Variants in ZNF536 observed in about 807,000 individuals in gnomAD.
The protein encoded by ZNF536 is zinc finger protein 536.
A neutral mutation model predicts 84.5 loss-of-function variants in ZNF536; 13 were observed. The ratio of observed to expected loss-of-function variants is 0.15; its 90% confidence interval spans 0.10 to 0.24. The LOEUF is 0.24. Ranked by LOEUF, ZNF536 falls within the 10% of genes least tolerant of loss-of-function variation. The probability of loss-of-function intolerance (pLI) is 1.00; values close to 1 mark genes in which losing one functional copy is unlikely to be tolerated. For missense variants in ZNF536, 1,536 were observed against 1,747.5 expected, an observed-to-expected ratio of 0.88 and a Z score of 2.16; for synonymous variants, 811 against 742.5, an observed-to-expected ratio of 1.09 and a Z score of -1.50.
At chr19:30,702,471 C>T (rs1028155626) in intron 1 of ZNF536, among the ~76,000 whole-genome samples, 1 of 152,126 alleles carries the variant, frequency 6.6e-6, no homozygotes. Context: ...TTGGGGGGGC[C>T]CCCATCTGGC....
At chr19:30,273,154 G>A (rs997403348) in intron 1 of ZNF536, among the ~76,000 whole-genome samples, 16 of 152,016 alleles carry the variant, frequency 1.1e-4, no homozygotes, top group Admixed American at 3.9e-4. Flanking sequence ...CTCCTGCCTC[G>A]ACCTTTTGAA....
chr19:30,473,256 T>C (rs1284367868), intron 2 of ZNF536, among the ~76,000 whole-genome samples: 5 of 151,932 alleles, frequency 3.3e-5, no homozygotes, highest in African/African-American at 1.2e-4. Context: ...GTTCTGGGGA[T>C]ATAACATCTT....
chr19:30,393,432 G>A (rs1342271830), intron 1 of ZNF536, among the ~76,000 whole-genome samples: 2 of 152,206 alleles, frequency 1.3e-5, no homozygotes, highest in East Asian at 3.8e-4. Flanking sequence ...ATAGGATGAT[G>A]AGTGAAATAG....
intron 2 of ZNF536, among the ~76,000 whole-genome samples, chr19:30,344,126 AC>A (rs2047652882): frequency 6.7e-6 from 1 of 150,342 alleles, no homozygotes; most frequent in Admixed American, 6.6e-5. Context: ...GTGGTTTCCC[AC>A]CCCTAGGGCC....
At chr19:30,507,479 A>G (rs574904491) in intron 2 of ZNF536, among the ~76,000 whole-genome samples, 1 of 152,342 alleles carries the variant, frequency 6.6e-6, no homozygotes, top group African/African-American at 2.4e-5. Context: ...TAGTAAGACA[A>G]TGAAATACAA....
chr19:30,550,996 G>A (rs962553128), intron 4 of ZNF536, among the ~76,000 whole-genome samples: 10 of 151,650 alleles, frequency 6.6e-5, no homozygotes, highest in South Asian at 4.2e-4. Flanking sequence ...GGAAAAAAGC[G>A]TTTTATGTTA....
intron 1 of ZNF536, among the ~76,000 whole-genome samples, chr19:30,700,590 T>C (rs1444841768): frequency 6.6e-6 from 1 of 152,072 alleles, no homozygotes; most frequent in Non-Finnish European, 1.5e-5. Flanking sequence ...GCTTATTATA[T>C]TGTCCAGGCT....
Position 30,327,987 on chromosome 19 carries a change from C to T in ZNF536, c.-119-24381C>T, listed in dbSNP as rs150242120. On this transcript the variant is annotated intron_variant, in intron 2 of 5. Coordinates refer to the ZNF536 transcript ENST00000585628. ...GTGGGGACAGGTCAGACTCTGTGCC[C>T]GTTTCCTCTTCTCTCAGATAGGGTG... is the stretch of plus-strand genomic sequence containing the variant. Among the ~76,000 whole-genome samples, 11 of 152,308 alleles carry T rather than the reference C, an allele frequency of 7.2e-5. No individual in the cohort carries two copies. In the East Asian group the frequency reaches 1.4e-3, roughly 19 times the overall value.
chr19:30,321,759 T>C (rs1306433862), intron 2 of ZNF536, among the ~76,000 whole-genome samples: 2 of 151,460 alleles, frequency 1.3e-5, no homozygotes, highest in African/African-American at 4.8e-5. Flanking sequence ...TTTGTTTTCT[T>C]TTTTCTTTTT....
At chr19:30,585,001 G>T (rs1206059221) in intron 1 of ZNF536, among the ~76,000 whole-genome samples, 2 of 152,014 alleles carry the variant, frequency 1.3e-5, no homozygotes, top group African/African-American at 2.4e-5. Flanking sequence ...GGAGGCTGAG[G>T]TGGGAGGATT....
intron 2 of ZNF536, among the ~76,000 whole-genome samples, chr19:30,337,922 G>A (rs565017890): frequency 2.0e-5 from 3 of 152,032 alleles, no homozygotes; most frequent in Non-Finnish European, 4.4e-5. Context: ...TGATGACAAT[G>A]GTGATGATAA....
At position 30,423,765 on chromosome 19, in the gene ZNF536, G is replaced by A. The variant is rs548519509; in HGVS notation, c.-2-19796G>A. On this transcript the variant is annotated intron_variant, in intron 1 of 4. Transcript: ENST00000355537. Reference sequence around the variant, plus strand: ...GGGCTCCCTCCCGGGGGCTTCGGCAGGAGCAAGGCTGGCAGTGACAGCAGC... The same window carrying A: ...GGGCTCCCTCCCGGGGGCTTCGGCAAGAGCAAGGCTGGCAGTGACAGCAGC... Among the ~76,000 whole-genome samples the A allele has an allele frequency of 1.5e-3, 224 of 152,284 alleles. 2 individuals carry two copies. The highest frequency in any genetic ancestry group is 4.9e-3 in the African/African-American group (205 of 41,566).
intron 1 of ZNF536, among the ~76,000 whole-genome samples, chr19:30,379,564 T>G (rs1600469186): frequency 2.9e-5 from 4 of 137,844 alleles, no homozygotes; most frequent in Admixed American, 1.5e-4. Flanking sequence ...GTGGAAGGGG[T>G]GAAGGGTGGA....
At chr19:30,241,433 T>C (rs1321793657) in intron 1 of ZNF536, among the ~76,000 whole-genome samples, 2 of 151,768 alleles carry the variant, frequency 1.3e-5, no homozygotes, top group Non-Finnish European at 2.9e-5. Flanking sequence ...GGAGTGGGGG[T>C]GGCTGTAATG....
chr19:30,611,884 T>C (rs1179987048), intron 1 of ZNF536, among the ~76,000 whole-genome samples: 1 of 152,222 alleles, frequency 6.6e-6, no homozygotes, highest in Non-Finnish European at 1.5e-5. Flanking sequence ...CTGTGCCCTT[T>C]GGACTTGGTT....
rs146867693 is a variant in ZNF536 at position 30,591,519 on chromosome 19, C to T, written c.169+42005C>T. ...TGAGATTTATTCACTACCATGAGAA[C>T]AGTATGGGGGAAATTGCCCCCACGA... On this transcript the variant is annotated intron_variant, in intron 1 of 1. Transcript: ENST00000592773. 2.1e-3 allele frequency among the ~76,000 whole-genome samples: 318 copies of T among 152,246 alleles called. 1 individual carries two copies. The Middle Eastern group carries it at 0.031, about 15-fold the overall frequency.
At chr19:30,546,884 C>T (rs902753153) in intron 3 of ZNF536, among the ~76,000 whole-genome samples, 1 of 152,128 alleles carries the variant, frequency 6.6e-6, no homozygotes, top group East Asian at 1.9e-4. Flanking sequence ...AATCTGCAGT[C>T]GTTTACCTTC....
At chr19:30,620,577 T>C (rs2048448389) in intron 1 of ZNF536, among the ~76,000 whole-genome samples, 1 of 152,114 alleles carries the variant, frequency 6.6e-6, no homozygotes, top group Non-Finnish European at 1.5e-5. Flanking sequence ...AGACGGCCTC[T>C]CTCCTGGGCC....
chr19:30,362,995 G>A (rs535833351), intron 3 of ZNF536, among the ~76,000 whole-genome samples: 3 of 151,950 alleles, frequency 2.0e-5, no homozygotes, highest in Non-Finnish European at 4.4e-5. Flanking sequence ...GGAGGCAGAG[G>A]TTCCAGTGAG....
Sources: allele counts gnomAD v4.1 joint callset (sites outside exome capture counted in the v4.1 genomes callset), GRCh38; gene constraint gnomAD v4.1.1; transcripts MANE v1.5; gene names NCBI Gene and HGNC (gene_info 2026-07-23, HGNC 2026-07-21).